PCDH15: variants seen among roughly 807,000 people sequenced by gnomAD.
The protein encoded by PCDH15 is protocadherin-15.
PCDH15 carries 129 observed loss-of-function variants against 178.5 expected under a neutral mutation model. That is an observed-to-expected ratio of 0.72 (90% CI 0.63 to 0.84). The LOEUF (loss-of-function observed/expected upper bound fraction) is 0.84, where lower values mean the gene tolerates loss of function less well. Ranked by LOEUF, PCDH15 falls within the 40% of genes least tolerant of loss-of-function variation. PCDH15 has a pLI of 0.00. For missense variants in PCDH15, 2,230 were observed against 2,099.9 expected (o/e 1.06, Z -1.21); for synonymous variants, 800 against 732.0 (o/e 1.09, Z -1.50).
At chr10:55,619,797 A>G (rs929733071) in intron 2 of PCDH15, among the ~76,000 whole-genome samples, 36 of 152,026 alleles carry the variant, frequency 2.4e-4, no homozygotes, top group Admixed American at 2.2e-3. Context: ...TATCCAATGT[A>G]GAAGTCACAT....
At chr10:54,309,362 A>G (rs1452115643) in intron 8 of PCDH15, among the ~76,000 whole-genome samples, 1 of 151,364 alleles carries the variant, frequency 6.6e-6, no homozygotes, top group Non-Finnish European at 1.5e-5. Context: ...CACACTTCAC[A>G]TATGTACCTT....
At chr10:55,306,157 T>C (rs1843420164) in intron 1 of PCDH15, among the ~76,000 whole-genome samples, 1 of 152,132 alleles carries the variant, frequency 6.6e-6, no homozygotes, top group Non-Finnish European at 1.5e-5. Flanking sequence ...AATCAAGAGT[T>C]TACCGTAAGG....
chr10:54,686,019 A>G (rs1196754460), intron 1 of PCDH15, among the ~76,000 whole-genome samples: 1 of 149,036 alleles, frequency 6.7e-6, no homozygotes, highest in Non-Finnish European at 1.5e-5. Flanking sequence ...GGAAATCCAA[A>G]TCCAAGGGAG....
chr10:55,534,351 T>C (rs1014410485), intron 2 of PCDH15, among the ~76,000 whole-genome samples: 5 of 151,932 alleles, frequency 3.3e-5, no homozygotes, highest in Admixed American at 1.3e-4. Context: ...CCAGAATCTA[T>C]AGGGAACCTA....
chr10:54,061,987 G>A (rs536494968), intron 18 of PCDH15, among the ~76,000 whole-genome samples: 1 of 151,986 alleles, frequency 6.6e-6, no homozygotes, highest in Non-Finnish European at 1.5e-5. Flanking sequence ...CACTTTGGGA[G>A]GCCAAGGCGG....
intron 20 of PCDH15, among the ~76,000 whole-genome samples, chr10:54,018,942 AAAGTT>A (rs2092827559): frequency 6.6e-6 from 1 of 152,100 alleles, no homozygotes; most frequent in Non-Finnish European, 1.5e-5. Flanking sequence ...CATGTATACT[AAAGTT>A]AAATTGTTTA....
chr10:54,034,091 A>G (rs2093362696), intron 18 of PCDH15, among the ~76,000 whole-genome samples: 1 of 151,980 alleles, frequency 6.6e-6, no homozygotes, highest in South Asian at 2.1e-4. Context: ...ATTCTATACA[A>G]TTAAATTTTC....
intron 1 of PCDH15, among the ~76,000 whole-genome samples, chr10:55,214,090 A>G (rs1591994125): frequency 6.6e-6 from 1 of 151,976 alleles, no homozygotes; most frequent in East Asian, 1.9e-4. Flanking sequence ...TTTCTAGCTT[A>G]AGTGCATTGT....
intron 2 of PCDH15, among the ~76,000 whole-genome samples, chr10:55,611,803 T>C (rs1843372338): frequency 6.6e-6 from 1 of 152,048 alleles, no homozygotes; most frequent in Non-Finnish European, 1.5e-5. Flanking sequence ...TATACATATT[T>C]ATAGTGTATA....
At chr10:55,252,087 A>G (rs1430429759) in intron 1 of PCDH15, among the ~76,000 whole-genome samples, 1 of 152,202 alleles carries the variant, frequency 6.6e-6, no homozygotes, top group Non-Finnish European at 1.5e-5. Flanking sequence ...TTCATTGTCG[A>G]CCAAGCTTTA....
chr10:55,386,464 C>T (rs1588976105), intron 2 of PCDH15, among the ~76,000 whole-genome samples: 1 of 151,960 alleles, frequency 6.6e-6, no homozygotes, highest in Admixed American at 6.6e-5. Context: ...AAAATATGCT[C>T]ATCTCACTAT....
At chr10:53,812,356 C>T (rs532527635) in intron 35 of PCDH15, among the ~76,000 whole-genome samples, 7 of 150,778 alleles carry the variant, frequency 4.6e-5, no homozygotes, top group South Asian at 4.3e-4. Context: ...TACAGGCGCC[C>T]GCCACCACGC....
At chr10:54,642,202 G>GA (rs2094006817) in intron 2 of PCDH15, among the ~76,000 whole-genome samples, 1 of 152,134 alleles carries the variant, frequency 6.6e-6, no homozygotes, top group Non-Finnish European at 1.5e-5. Context: ...AGAGCACAGA[G>GA]AAAAGACCAC....
At chr10:54,739,678 A>T (rs917243858) in intron 1 of PCDH15, among the ~76,000 whole-genome samples, 1 of 151,962 alleles carries the variant, frequency 6.6e-6, no homozygotes, top group African/African-American at 2.4e-5. Context: ...ATGCCGTCAT[A>T]GAAATATACA....
intron 1 of PCDH15, among the ~76,000 whole-genome samples, chr10:55,275,630 T>G (rs1228960203): frequency 4.0e-5 from 6 of 151,880 alleles, no homozygotes; most frequent in African/African-American, 1.5e-4. Flanking sequence ...TTTTAATTTA[T>G]CTATACAATA....
chr10:54,464,451 G>A lies in PCDH15; in HGVS notation c.157+63361C>T, dbSNP rs74232405. ...CTTACCTGGTTTTAAGCATTGAGAG[G>A]AACTAGGAGTTTATATGCATTTTGG... On this transcript the variant is annotated intron_variant, in intron 3 of 37. Transcript: ENST00000644397. 2.4e-3 allele frequency among the ~76,000 whole-genome samples: 359 copies of A among 152,218 alleles called. 11 individuals are homozygous for A. In the East Asian group the frequency reaches 0.064, roughly 27 times the overall value.
rs922791594 is a variant in PCDH15, at chr10:55,194,284, T to G, written c.-155-27633A>C. Among the ~76,000 whole-genome samples, 4 of 152,196 alleles carry G rather than the reference T, an allele frequency of 2.6e-5. No homozygotes were observed. The South Asian group carries it at 8.3e-4, about 32-fold the overall frequency. On this transcript the variant is annotated intron_variant, in intron 1 of 5. Transcript: ENST00000458638. ...AACAGCCCTTTTCTCTCTTCATCAT[T>G]CTTTTATCTCAAAGAAAGAGTATGA... is the stretch of plus-strand genomic sequence containing the variant.
chr10:53,895,688 C>A (rs1351935741), intron 26 of PCDH15, among the ~76,000 whole-genome samples: 1 of 152,134 alleles, frequency 6.6e-6, no homozygotes, highest in Non-Finnish European at 1.5e-5. Context: ...AGACAACATG[C>A]AATAAACTGG....
At chr10:55,094,031 C>T (rs990035824) in intron 2 of PCDH15, among the ~76,000 whole-genome samples, 2 of 152,060 alleles carry the variant, frequency 1.3e-5, no homozygotes, top group African/African-American at 4.8e-5. Context: ...ACCCAGGGAA[C>T]CCATTGCTGG....
Sources: gnomAD v4.1 joint callset for allele counts (sites outside exome capture counted in the v4.1 genomes callset) on GRCh38, gnomAD v4.1.1 for gene constraint, MANE v1.5 for transcripts, NCBI Gene and HGNC (gene_info 2026-07-23, HGNC 2026-07-21) for gene names.